The following GRIA1 variants were observed in gnomAD, a reference collection of about 807,000 sequenced individuals.
GRIA1 encodes the protein glutamate receptor 1.
A neutral mutation model predicts 99.2 loss-of-function variants in GRIA1; 31 were observed. The ratio of observed to expected loss-of-function variants is 0.31; its 90% CI spans 0.23 to 0.42. The LOEUF is 0.42. GRIA1 is among the 10% of genes least tolerant of loss of function. GRIA1 has a pLI of 1.00. For synonymous variants in GRIA1, 438 were observed against 432.4 expected (o/e 1.01, Z -0.16); for missense variants, 782 against 1,157.5 (o/e 0.68, Z 4.71).
At chr5:153,701,537 C>T (rs1035775821) in intron 10 of GRIA1, among the ~76,000 whole-genome samples, 6 of 141,828 alleles carry the variant, frequency 4.2e-5, no homozygotes, top group South Asian at 2.3e-4. Context: ...AGGAGAATGG[C>T]GTGAACCTGG....
At chr5:153,722,755 C>T (rs1489033342) in intron 11 of GRIA1, among the ~76,000 whole-genome samples, 1 of 152,126 alleles carries the variant, frequency 6.6e-6, no homozygotes, top group Non-Finnish European at 1.5e-5. Flanking sequence ...GCTGGATGAT[C>T]CCATGGGGTA....
intron 2 of GRIA1, among the ~76,000 whole-genome samples, chr5:153,529,150 G>C (rs1331149176): frequency 6.6e-6 from 1 of 152,156 alleles, no homozygotes; most frequent in Non-Finnish European, 1.5e-5. Context: ...AGTCACTTCT[G>C]CTTCACAATA....
chr5:153,657,715 C>G (rs1021254921), intron 5 of GRIA1, among the ~76,000 whole-genome samples: 12 of 152,206 alleles, frequency 7.9e-5, no homozygotes, highest in African/African-American at 2.9e-4. Context: ...CCTTACTCTT[C>G]TTTCCCCTTC....
chr5:153,675,163 T>C (rs1027918002), intron 6 of GRIA1, among the ~76,000 whole-genome samples: 15 of 152,206 alleles, frequency 9.9e-5, no homozygotes, highest in Non-Finnish European at 2.2e-4. Context: ...CTACCCCCAG[T>C]TGGCTGCAAG....
intron 2 of GRIA1, among the ~76,000 whole-genome samples, chr5:153,591,191 A>T (rs1260262379): frequency 6.6e-6 from 1 of 152,170 alleles, no homozygotes; most frequent in Non-Finnish European, 1.5e-5. Context: ...ATTTTTCCCC[A>T]ATCTAGTTTA....
At chr5:153,500,829 A>G (rs1754945492) in intron 2 of GRIA1, among the ~76,000 whole-genome samples, 1 of 152,166 alleles carries the variant, frequency 6.6e-6, no homozygotes, top group Non-Finnish European at 1.5e-5. Context: ...GGTTTGATGC[A>G]GTAAATAGCA....
In GRIA1 at chr5:153,698,139, C is replaced by T. The variant is rs373384415; in HGVS notation, c.1230C>T (p.Ile410=). The T allele has an allele frequency of 3.8e-5, 61 of 1,586,496 alleles. No individual in the cohort carries two copies. Among genetic ancestry groups the T allele is most frequent in the Non-Finnish European group, 4.4e-5 (51 of 1,155,228 alleles). Residue 410 remains isoleucine (I), a synonymous_variant, in exon 9 of 16, where the codon ATC becomes ATT. Coordinates refer to ENST00000285900, the MANE Select transcript of GRIA1 (RefSeq NM_000827.4). ...DNSSVQNRTY[I]VTTILEDPYV... is the part of the protein sequence containing the mutation. ...CAAGTGTTCAGAACAGAACATACAT[C>T]GTCACAACAATCCTAGTGAGTACTC... is the stretch of plus-strand genomic sequence containing the variant.
At chr5:153,692,706 C>T (rs1232587785) in intron 8 of GRIA1, among the ~76,000 whole-genome samples, 1 of 152,108 alleles carries the variant, frequency 6.6e-6, no homozygotes, top group African/African-American at 2.4e-5. Context: ...TTCTAAAACG[C>T]CAACTCTTTA....
At chr5:153,738,720 C>CTTTTTTT (rs55874747) in intron 11 of GRIA1, among the ~76,000 whole-genome samples, 1,834 of 102,024 alleles carry the variant, frequency 0.018, 61 homozygotes, top group East Asian at 0.069. Context: ...TCCATACCTT[C>CTTTTTTT]TTTTTTTTTT....
chr5:153,708,285 C>G (rs1013219106), intron 11 of GRIA1, among the ~76,000 whole-genome samples: 1 of 152,130 alleles, frequency 6.6e-6, no homozygotes, highest in African/African-American at 2.4e-5. Flanking sequence ...CACCCCAGCC[C>G]CAACCTGACC....
intron 12 of GRIA1, among the ~76,000 whole-genome samples, 186 bp from the exon 13 acceptor site, chr5:153,769,982 T>C (rs1034480754): frequency 1.3e-5 from 2 of 152,188 alleles, no homozygotes; most frequent in Non-Finnish European, 2.9e-5. Context: ...TTGCAAGATA[T>C]TTGTACTTTG....
chr5:153,742,714 C>G (rs1761892257), intron 11 of GRIA1, among the ~76,000 whole-genome samples: 1 of 152,214 alleles, frequency 6.6e-6, no homozygotes, highest in East Asian at 1.9e-4. Context: ...CTTCTCCAAG[C>G]CAGCAATGGA....
At chr5:153,795,517 G>A in intron 14 of GRIA1, 3 of 1,613,358 alleles carry the variant, frequency 1.9e-6, no homozygotes, top group East Asian at 2.2e-5. Context: ...AGTGAGCAAG[G>A]CGTCTTAGAC....
chr5:153,706,218 A>ACAGCG, intron 11 of GRIA1, 151 bp downstream of exon 11: 1 of 739,494 alleles, frequency 1.4e-6, no homozygotes, highest in Non-Finnish European at 2.2e-6. Flanking sequence ...TCAACTGTCC[A>ACAGCG]TTGCACGCTG....
At chr5:153,655,766 G>A (rs765349316) in intron 4 of GRIA1, 53 bp from the exon 5 acceptor site, 82 of 1,487,266 alleles carry the variant, frequency 5.5e-5, no homozygotes, top group Middle Eastern at 5.1e-4. Flanking sequence ...TGTTGTTGTC[G>A]TGGCTTTAAC....
At chr5:153,732,390 A>G (rs534090606) in intron 11 of GRIA1, among the ~76,000 whole-genome samples, 1 of 152,234 alleles carries the variant, frequency 6.6e-6, no homozygotes, top group Non-Finnish European at 1.5e-5. Context: ...AACATTTGTC[A>G]TCTTTGGCTT....
intron 13 of GRIA1, among the ~76,000 whole-genome samples, chr5:153,791,323 C>A (rs1468047352): frequency 6.6e-6 from 1 of 151,746 alleles, no homozygotes; most frequent in Non-Finnish European, 1.5e-5. Flanking sequence ...TGCTTTGGCT[C>A]CTTCCTTGTT....
intron 8 of GRIA1, 57 bp from the exon 9 acceptor site, chr5:153,697,987 A>C (rs1758235973): frequency 1.1e-6 from 1 of 878,364 alleles, no homozygotes; most frequent in Non-Finnish European, 1.9e-6. Context: ...GACCCAGAGC[A>C]GGCCAGTTCA....
At chr5:153,687,237 C>T (rs986432881) in intron 8 of GRIA1, among the ~76,000 whole-genome samples, 25 of 152,258 alleles carry the variant, frequency 1.6e-4, no homozygotes, top group African/African-American at 4.8e-4. Flanking sequence ...TACAGCATGG[C>T]GTAGAGCTGG....
Sources: gnomAD v4.1 joint callset for allele counts (sites outside exome capture counted in the v4.1 genomes callset) on GRCh38, gnomAD v4.1.1 for gene constraint, MANE v1.5 for transcripts, NCBI Gene and HGNC (gene_info 2026-07-23, HGNC 2026-07-21) for gene names.